The following FMN2 variants were observed in gnomAD, a reference collection of about 807,000 sequenced individuals.
FMN2 encodes formin 2, also known as formin-2.
A neutral mutation model predicts 142.3 loss-of-function variants in FMN2; 51 were observed. The ratio of observed to expected loss-of-function variants is 0.36; its 90% CI spans 0.29 to 0.45. FMN2 has a LOEUF of 0.45. FMN2 is among the 20% of genes least tolerant of loss of function. FMN2 has a pLI of 1.00. For missense variants in FMN2, 1,936 were observed against 2,122.8 expected, an observed-to-expected ratio of 0.91 and a Z score of 1.73; for synonymous variants, 882 against 869.8, an observed-to-expected ratio of 1.01 and a Z score of -0.25.
intron 8 of FMN2, among the ~76,000 whole-genome samples, chr1:240,318,414 C>CTT (rs961204738): frequency 6.7e-6 from 1 of 149,562 alleles, no homozygotes. Flanking sequence ...TTTTCTTTTT[C>CTT]TTTTTTTTTT....
intron 7 of FMN2, among the ~76,000 whole-genome samples, chr1:240,287,529 A>C (rs1288065068): frequency 6.6e-6 from 1 of 152,172 alleles, no homozygotes; most frequent in Admixed American, 6.6e-5. Context: ...AACCCAAATT[A>C]GTGTTAATGG....
At chr1:240,430,714 TAA>T (rs61378739) in intron 15 of FMN2, among the ~76,000 whole-genome samples, 27 of 127,454 alleles carry the variant, frequency 2.1e-4, no homozygotes, top group African/African-American at 2.5e-4. Flanking sequence ...ACCATTTGAT[TAA>T]AAAAAAAAAA....
At chr1:240,103,335 T>C (rs569196370) in intron 1 of FMN2, among the ~76,000 whole-genome samples, 2 of 152,372 alleles carry the variant, frequency 1.3e-5, no homozygotes, top group Admixed American at 1.3e-4. Flanking sequence ...TTTGTATGTG[T>C]GCTTTTGTCT....
chr1:240,273,486 G>A (rs1363612428), intron 7 of FMN2, among the ~76,000 whole-genome samples: 1 of 152,112 alleles, frequency 6.6e-6, no homozygotes, highest in East Asian at 1.9e-4. Flanking sequence ...TTCTATCAGT[G>A]GCTTAAGCTG....
chr1:240,196,960 TCTCCTGGCATACAA>T (rs1363835000), intron 4 of FMN2, among the ~76,000 whole-genome samples: 1 of 152,204 alleles, frequency 6.6e-6, no homozygotes, highest in Non-Finnish European at 1.5e-5. Context: ...TTAATTGCCA[TCTCCTGGCATACAA>T]CTCCTAAAAT....
intron 6 of FMN2, among the ~76,000 whole-genome samples, chr1:240,211,879 G>A (rs1666703159): frequency 6.6e-6 from 1 of 152,230 alleles, no homozygotes; most frequent in African/African-American, 2.4e-5. Flanking sequence ...GTCATAAAGG[G>A]ATATTGTTAT....
intron 6 of FMN2, among the ~76,000 whole-genome samples, chr1:240,242,047 G>A (rs1390432671): frequency 2.6e-5 from 4 of 151,790 alleles, no homozygotes; most frequent in South Asian, 2.1e-4. Flanking sequence ...GGGTTTCACC[G>A]TGTTAGCCAG....
At chr1:240,146,446 T>A (rs900123406) in intron 2 of FMN2, among the ~76,000 whole-genome samples, 2 of 149,556 alleles carry the variant, frequency 1.3e-5, no homozygotes, top group South Asian at 2.1e-4. Flanking sequence ...CTCACACTTG[T>A]AATCCCAGCA....
At chr1:240,112,542 AAG>A (rs1661853266) in intron 1 of FMN2, among the ~76,000 whole-genome samples, 1 of 152,206 alleles carries the variant, frequency 6.6e-6, no homozygotes. Flanking sequence ...AGGGAGCAGA[AAG>A]AGCCCAAGAA....
At chr1:240,156,077 A>AAAC (rs887465487) in intron 2 of FMN2, among the ~76,000 whole-genome samples, 69 of 152,036 alleles carry the variant, frequency 4.5e-4, no homozygotes, top group African/African-American at 1.5e-3. Flanking sequence ...TGTCTCTACT[A>AAAC]AACAACAACA....
intron 8 of FMN2, among the ~76,000 whole-genome samples, chr1:240,299,695 G>A (rs1670126485): frequency 1.3e-5 from 2 of 152,080 alleles, no homozygotes; most frequent in South Asian, 4.1e-4. Context: ...TGCTAAGGAA[G>A]CTCTTTCCAT....
intron 7 of FMN2, among the ~76,000 whole-genome samples, chr1:240,261,640 G>T (rs1368350200): frequency 3.9e-5 from 6 of 152,228 alleles, no homozygotes; most frequent in Admixed American, 2.0e-4. Flanking sequence ...TTTGAATACA[G>T]GTTATTTCCC....
At chr1:240,170,119 G>T (rs1418807555) in intron 2 of FMN2, 1 of 629,422 alleles carries the variant, frequency 1.6e-6, no homozygotes, top group South Asian at 1.9e-5. Flanking sequence ...AATAATCTAG[G>T]TTCTGCATTA....
intron 15 of FMN2, among the ~76,000 whole-genome samples, chr1:240,437,529 C>G (rs1212846629): frequency 2.0e-5 from 3 of 152,128 alleles, no homozygotes; most frequent in East Asian, 3.9e-4. Flanking sequence ...GTCTCGATCT[C>G]CTGACCTCGT....
intron 2 of FMN2, among the ~76,000 whole-genome samples, chr1:240,153,637 T>C (rs1663880639): frequency 6.6e-6 from 1 of 152,090 alleles, no homozygotes; most frequent in Non-Finnish European, 1.5e-5. Context: ...GTGTTGGGAT[T>C]ACAAGTGTGA....
chr1:240,472,491 G>A (rs747783581), intron 17 of FMN2, 38 bp downstream of exon 17: 2 of 1,383,210 alleles, frequency 1.4e-6, no homozygotes, highest in Non-Finnish European at 2.0e-6. Flanking sequence ...ATTTTCTTTG[G>A]CTTTTAAATC....
At chr1:240,316,166 C>G (rs925621604) in intron 8 of FMN2, among the ~76,000 whole-genome samples, 1 of 152,086 alleles carries the variant, frequency 6.6e-6, no homozygotes, top group East Asian at 1.9e-4. Context: ...AACATGAAAC[C>G]AAATAATTAA....
rs188322306 is a variant in FMN2, at chr1:240,265,101, A to G, written c.4153+7069A>G. 7.2e-5 allele frequency among the ~76,000 whole-genome samples: 11 copies of G among 152,324 alleles called. No homozygotes were observed. The East Asian group carries it at 1.5e-3, about 21-fold the overall frequency. ...GCATGTGTTACCTAATAAAATCAGA[A>G]TGCGCAACATATGCAAAAATAAAAC... On this transcript the variant is annotated intron_variant, in intron 7 of 17. Transcript: ENST00000319653.
intron 7 of FMN2, among the ~76,000 whole-genome samples, chr1:240,287,376 G>C (rs1478594130): frequency 6.6e-6 from 1 of 152,168 alleles, no homozygotes; most frequent in Non-Finnish European, 1.5e-5. Context: ...TGTGGCTTCT[G>C]TATTTTAAAT....
Sources: gnomAD v4.1 joint callset for allele counts (sites outside exome capture counted in the v4.1 genomes callset) on GRCh38, gnomAD v4.1.1 for gene constraint, MANE v1.5 for transcripts, NCBI Gene and HGNC (gene_info 2026-07-23, HGNC 2026-07-21) for gene names.